Variants in CERT1 observed in about 807,000 individuals in gnomAD.
The protein encoded by CERT1 is ceramide transfer protein.
CERT1 carries 31 observed loss-of-function variants against 87.9 expected under a neutral mutation model. The ratio of observed to expected loss-of-function variants is 0.35; its 90% CI spans 0.27 to 0.48. CERT1 has a LOEUF of 0.48. Ranked by LOEUF, CERT1 falls within the 20% of genes least tolerant of loss-of-function variation. The pLI, the probability that CERT1 is intolerant of heterozygous loss-of-function variation, is 0.99. For synonymous variants in CERT1, 289 were observed against 250.9 expected (o/e 1.15, Z -1.44); for missense variants, 487 against 758.0 (o/e 0.64, Z 4.20).
At chr5:75,404,605 A>T (rs1762632645) in intron 8 of CERT1, among the ~76,000 whole-genome samples, 1 of 152,246 alleles carries the variant, frequency 6.6e-6, no homozygotes, top group Non-Finnish European at 1.5e-5. Context: ...CCACATCTAC[A>T]TTTAAAAAAT....
intron 5 of CERT1, among the ~76,000 whole-genome samples, chr5:75,424,660 A>C (rs1456948046): frequency 6.6e-6 from 1 of 151,940 alleles, no homozygotes; most frequent in Non-Finnish European, 1.5e-5. Flanking sequence ...GAGAAAGAGA[A>C]AGAGATCAAC....
intron 13 of CERT1, 142 bp from the exon 14 acceptor site, chr5:75,384,854 G>A (rs554572744): frequency 8.8e-5 from 52 of 588,348 alleles, no homozygotes; most frequent in African/African-American, 8.6e-4. Context: ...CCAAATGGAA[G>A]GTAGCTAATA....
At chr5:75,401,946 C>T (rs1012825333) in intron 9 of CERT1, 2 of 152,180 alleles carry the variant, frequency 1.3e-5, no homozygotes, top group African/African-American at 2.4e-5. Flanking sequence ...GGTTAAGCTT[C>T]CACCATAACT....
intron 8 of CERT1, among the ~76,000 whole-genome samples, chr5:75,407,407 C>A: frequency 6.7e-6 from 1 of 148,286 alleles, no homozygotes; most frequent in Non-Finnish European, 1.5e-5. Flanking sequence ...GTTAATTACA[C>A]GAAGGTTTAA....
At chr5:75,478,782 A>G (rs1766087584) in intron 2 of CERT1, among the ~76,000 whole-genome samples, 1 of 151,664 alleles carries the variant, frequency 6.6e-6, no homozygotes, top group African/African-American at 2.4e-5. Flanking sequence ...CTCACCCTCT[A>G]CCCCCTATCT....
intron 3 of CERT1, among the ~76,000 whole-genome samples, chr5:75,457,959 ATG>A (rs10549096): frequency 0.83 from 121,221 of 146,706 alleles, 49,909 homozygotes; most frequent in East Asian, 0.96. Context: ...CCTGTTAAAA[ATG>A]TGTGTGTGTG....
chr5:75,486,430 C>G (rs1211302087), intron 2 of CERT1, among the ~76,000 whole-genome samples: 1 of 151,962 alleles, frequency 6.6e-6, no homozygotes. Context: ...CCTGTAAGAT[C>G]TGAAAGACAA....
intron 3 of CERT1, among the ~76,000 whole-genome samples, chr5:75,436,678 A>C (rs1038054031): frequency 6.6e-6 from 1 of 152,170 alleles, no homozygotes; most frequent in Non-Finnish European, 1.5e-5. Flanking sequence ...TTGAAATATA[A>C]TAATACCCCC....
intron 8 of CERT1, 177 bp downstream of exon 8, chr5:75,410,834 T>C (rs1762906868): frequency 5.0e-6 from 2 of 401,848 alleles, no homozygotes; most frequent in Non-Finnish European, 4.3e-6. Flanking sequence ...ATAAGAAATA[T>C]ATATTTGAGC....
chr5:75,419,011 C>T (rs923875445), intron 6 of CERT1, among the ~76,000 whole-genome samples: 7 of 152,146 alleles, frequency 4.6e-5, no homozygotes, highest in Non-Finnish European at 5.9e-5. Flanking sequence ...AGAATACGCA[C>T]GTACATCAAC....
intron 2 of CERT1, among the ~76,000 whole-genome samples, chr5:75,480,697 T>C (rs1766197787): frequency 6.6e-6 from 1 of 152,204 alleles, no homozygotes; most frequent in African/African-American, 2.4e-5. Flanking sequence ...TGATTTGCCT[T>C]CCTCAAGAAG....
At chr5:75,418,621 T>A (rs116491591) in intron 6 of CERT1, among the ~76,000 whole-genome samples, 2,241 of 152,286 alleles carry the variant, frequency 0.015, 49 homozygotes, top group African/African-American at 0.05. Context: ...ACACAAACTA[T>A]GGTATATCTA....
intron 14 of CERT1, among the ~76,000 whole-genome samples, chr5:75,384,273 C>T (rs893667271): frequency 6.6e-6 from 1 of 152,172 alleles, no homozygotes; most frequent in Non-Finnish European, 1.5e-5. Flanking sequence ...GTGGCATACA[C>T]CAGTAGTTCC....
chr5:75,411,542 C>G lies in CERT1; in HGVS notation c.838-439G>C, dbSNP rs150852458. On this transcript the variant is annotated intron_variant, in intron 7 of 16. Transcript: ENST00000643780. ...TTTGTCAGGCTTTTCTCGAACTCCT[C>G]ACCTCGTGATCCACCCTCCTCAGCC... Among the ~76,000 whole-genome samples, 316 of 152,116 alleles carry G rather than the reference C, an allele frequency of 2.1e-3. 1 individual carries two copies. In the East Asian group the frequency reaches 0.027, roughly 13 times the overall value.
At chr5:75,417,084 A>G (rs1338110840) in intron 6 of CERT1, 51 bp from the exon 7 acceptor site, 3 of 1,344,028 alleles carry the variant, frequency 2.2e-6, no homozygotes, top group East Asian at 2.4e-5. Flanking sequence ...GAAATAATTC[A>G]TCACAATTTA....
downstream of CERT1, chr5:75,374,539 G>C (rs893901974): frequency 1.4e-6 from 1 of 716,884 alleles, no homozygotes; most frequent in Non-Finnish European, 2.6e-6. Flanking sequence ...TGCACGAACC[G>C]TGCCTGATGC....
intron 11 of CERT1, among the ~76,000 whole-genome samples, chr5:75,395,063 G>A (rs1421131007): frequency 6.6e-6 from 1 of 152,154 alleles, no homozygotes; most frequent in Non-Finnish European, 1.5e-5. Context: ...GTGCTCCTAT[G>A]GACAAAGGGT....
chr5:75,377,391 C>T (rs570235211), downstream of CERT1: 10 of 152,276 alleles, frequency 6.6e-5, no homozygotes, highest in East Asian at 1.9e-3. Flanking sequence ...TATTAATTTT[C>T]CCACATATAA....
At chr5:75,435,973 C>G (rs1764078889) in intron 3 of CERT1, among the ~76,000 whole-genome samples, 1 of 152,126 alleles carries the variant, frequency 6.6e-6, no homozygotes, top group Admixed American at 6.5e-5. Flanking sequence ...ATTTGTGTAC[C>G]TATAGGGGTC....
Sources: gnomAD v4.1 joint callset for allele counts (sites outside exome capture counted in the v4.1 genomes callset) on GRCh38, gnomAD v4.1.1 for gene constraint, MANE v1.5 for transcripts, NCBI Gene and HGNC (gene_info 2026-07-23, HGNC 2026-07-21) for gene names.